KNDC1: variants seen among roughly 807,000 people sequenced by gnomAD.
KNDC1 encodes the protein kinase non-catalytic C-lobe domain containing 1, also known as kinase non-catalytic C-lobe domain-containing protein 1.
Under a neutral mutation model 172.8 loss-of-function variants are expected in KNDC1, and 106 were observed. That is an observed-to-expected ratio of 0.61 (90% CI 0.52 to 0.72). The LOEUF (loss-of-function observed/expected upper bound fraction) is 0.72, where lower values mean the gene tolerates loss of function less well. Among genes scored for constraint, KNDC1 ranks in the 30% least tolerant of loss-of-function variants. KNDC1 has a pLI of 0.00. For synonymous variants in KNDC1, 1,083 were observed against 1,062.2 expected (o/e 1.02, Z -0.38); for missense variants, 2,325 against 2,394.5 (o/e 0.97, Z 0.61).
intron 17 of KNDC1, among the ~76,000 whole-genome samples, chr10:133,206,409 C>G (rs892189459): frequency 2.0e-5 from 3 of 152,144 alleles, no homozygotes; most frequent in African/African-American, 7.2e-5. Context: ...CTGAGCATCC[C>G]CCACAAGGGC....
Position 133,224,530 on chromosome 10 carries a change from A to C in KNDC1, c.5019-129A>C. The C allele has an allele frequency of 1.5e-6, 1 of 675,298 alleles. No homozygotes were observed. 41.8% of individuals were successfully genotyped at this position (675,298 alleles called of 1,614,324 possible). On this transcript the variant is annotated intron_variant, in intron 29 of 29. Coordinates refer to ENST00000304613, the MANE Select transcript of KNDC1 (RefSeq NM_152643.8). This position sits in a 1 kb window ranked among gnomAD's most constrained non-coding sequence, Gnocchi z 5.4. ...CCTCGCCAATAAATACAGACAACCCACCCTTCAGAATTTACACGGTGAAAA... is the reference window on the plus strand; with the variant it reads ...CCTCGCCAATAAATACAGACAACCCCCCCTTCAGAATTTACACGGTGAAAA...
At chr10:133,167,298 T>C in intron 1 of KNDC1, 83 bp from the exon 2 acceptor site, 1 of 1,362,594 alleles carries the variant, frequency 7.3e-7, no homozygotes, top group Admixed American at 2.3e-5. Flanking sequence ...AGTCGTCCGT[T>C]TCCCCAGGGA....
chr10:133,205,299 G>A (rs868400755), intron 17 of KNDC1, among the ~76,000 whole-genome samples: 3 of 152,214 alleles, frequency 2.0e-5, no homozygotes, highest in Admixed American at 2.0e-4. Flanking sequence ...CCAGGGAGGC[G>A]CTCAGCCCCA....
chr10:133,160,574 GCCCCCGGC>G lies in KNDC1; in HGVS notation c.102+9_102+16del. ...CCCACCCTCCCCGAGGACGAGGTGA[GCCCCCGGC>G]CCCACTGGGGGGCCCCTTCCGCCGC... On this transcript the variant is annotated splice_donor_region_variant and intron_variant, in intron 1 of 29. Coordinates refer to ENST00000304613, the MANE Select transcript of KNDC1 (RefSeq NM_152643.8). 1.3e-6 allele frequency: 2 copies of G among 1,559,122 alleles called. No individual in the cohort carries two copies. The highest frequency in any genetic ancestry group is 1.7e-6 in the Non-Finnish European group (2 of 1,152,488).
Position 133,160,531 on chromosome 10 carries a change from T to C in KNDC1, c.64T>C (p.Tyr22His). Residue 22 changes from tyrosine to histidine, a missense_variant, in exon 1 of 30, where the codon TAC becomes CAC. Transcript: ENST00000304613. ...GGAGGACGGCAAAGACCTGGACTTCTACGACTTCGAGCCGCTGCCCACCCT... is the reference window on the plus strand; with the variant it reads ...GGAGGACGGCAAAGACCTGGACTTCCACGACTTCGAGCCGCTGCCCACCCT... Reference protein sequence around the residue: ...YEEDGKDLDFYDFEPLPTLPE... With the variant: ...YEEDGKDLDFHDFEPLPTLPE... The C allele has an allele frequency of 1.3e-6, 2 of 1,588,524 alleles. No individual in the cohort carries two copies. The highest frequency in any genetic ancestry group is 1.7e-6 in the Non-Finnish European group (2 of 1,169,402).
At chr10:133,175,709 GGGATGGATGTGT>G (rs1255238411) in intron 3 of KNDC1, among the ~76,000 whole-genome samples, 2 of 150,514 alleles carry the variant, frequency 1.3e-5, no homozygotes, top group East Asian at 4.0e-4. Context: ...CAGTCGGATA[GGGATGGATGTGT>G]GGATGGATGG....
intron 5 of KNDC1, among the ~76,000 whole-genome samples, chr10:133,185,355 AGGCAGTGTGTACAGTGTGGAG>A (rs1324389150): frequency 2.2e-4 from 23 of 103,454 alleles, no homozygotes; most frequent in Admixed American, 3.9e-4. Context: ...AGTGTGGAGT[AGGCAGTGTGTACAGTGTGGAG>A]TAGGCAGTGT....
intron 26 of KNDC1, among the ~76,000 whole-genome samples, chr10:133,218,295 C>T (rs1845508745): frequency 6.6e-6 from 1 of 152,250 alleles, no homozygotes; most frequent in Non-Finnish European, 1.5e-5. Flanking sequence ...ATTCACCACC[C>T]ATGGGGTGTT....
chr10:133,225,172 T>G lies in KNDC1; in HGVS notation c.*282T>G. The G allele has an allele frequency of 2.8e-5, 11 of 386,496 alleles. No individual in the cohort carries two copies. The highest frequency in any genetic ancestry group is 5.9e-5 in the East Asian group (1 of 16,864). 23.9% of individuals were successfully genotyped at this position (386,496 alleles called of 1,614,324 possible). ...TTTAAAAATGAAAATGAAAGACAGC[T>G]TCCCAGGAGTTTTGTGCCTGTCTGC... On this transcript the variant is annotated 3_prime_UTR_variant, in exon 30 of 30. Transcript: ENST00000304613.
chr10:133,201,456 C>T (rs557740444), intron 16 of KNDC1, 45 bp from the exon 17 acceptor site: 1 of 1,538,684 alleles, frequency 6.5e-7, no homozygotes, highest in African/African-American at 1.4e-5. Flanking sequence ...CGGGCTCCGC[C>T]CACAGGAGCC....
intron 1 of KNDC1, chr10:133,167,108 C>T: frequency 2.0e-6 from 1 of 509,808 alleles, no homozygotes; most frequent in South Asian, 2.3e-5. Context: ...GGCCGAGCCT[C>T]CGGGAGGAAG....
At chr10:133,208,584 C>CTT (rs1413582674) in intron 20 of KNDC1, among the ~76,000 whole-genome samples, 2 of 151,658 alleles carry the variant, frequency 1.3e-5, no homozygotes, top group African/African-American at 4.8e-5. Flanking sequence ...GACGTGGCCC[C>CTT]ACCTCCGACC....
At chr10:133,162,105 C>T (rs1306345055) in intron 1 of KNDC1, among the ~76,000 whole-genome samples, 2 of 152,234 alleles carry the variant, frequency 1.3e-5, no homozygotes, top group African/African-American at 2.4e-5. Context: ...ACTGTCATCC[C>T]ACCGAGTTTG....
rs1328716346 is a variant in KNDC1 at position 133,210,633 on chromosome 10, G to T, written c.3817G>T (p.Val1273Leu). Residue 1273 changes from valine (V) to leucine (L), a missense_variant, in exon 21 of 30, where the codon GTG becomes TTG. By Grantham distance (32) the Val-to-Leu change is conservative. Transcript: ENST00000304613. ...YSSDAFLEGY[V>L]QQFLYTFRYF... ...CAGTGATGCCTTCCTGGAGGGTTATGTGCAGCAATTCCTCTACACCTTCCG... is the reference window on the plus strand; with the variant it reads ...CAGTGATGCCTTCCTGGAGGGTTATTTGCAGCAATTCCTCTACACCTTCCG... The T allele has an allele frequency of 1.2e-6, 2 of 1,602,360 alleles. No homozygotes were observed. Among genetic ancestry groups the T allele is most frequent in the Non-Finnish European group, 8.5e-7 (1 of 1,170,522 alleles).
rs183905278 is a variant in KNDC1 at position 133,193,387 on chromosome 10, T to C, written c.1576-2276T>C. 2.3e-4 allele frequency among the ~76,000 whole-genome samples: 35 copies of C among 152,166 alleles called. 1 individual carries two copies. The East Asian group carries it at 3.9e-3, about 17-fold the overall frequency. ...TAAAAATACAAAAATTTGCCAGGCA[T>C]GGTGGTGGGTGCCTGTAATCCCAGC... is the stretch of plus-strand genomic sequence containing the variant. On this transcript the variant is annotated intron_variant, in intron 9 of 29. Coordinates refer to ENST00000304613, the MANE Select transcript of KNDC1 (RefSeq NM_152643.8).
At chr10:133,169,606 A>G (rs1044274411) in intron 3 of KNDC1, among the ~76,000 whole-genome samples, 5 of 152,170 alleles carry the variant, frequency 3.3e-5, no homozygotes, top group East Asian at 1.9e-4. Flanking sequence ...ATTTTAGTGC[A>G]CCCCAGCGTC....
chr10:133,180,804 A>G (rs983985777), intron 3 of KNDC1, among the ~76,000 whole-genome samples: 1 of 152,242 alleles, frequency 6.6e-6, no homozygotes, highest in African/African-American at 2.4e-5. Context: ...TTGCATGGGG[A>G]TTTAGAGGAA....
At chr10:133,173,349 G>A (rs1040323820) in intron 3 of KNDC1, among the ~76,000 whole-genome samples, 1 of 152,108 alleles carries the variant, frequency 6.6e-6, no homozygotes, top group African/African-American at 2.4e-5. Flanking sequence ...ACTCGAGCTG[G>A]ACACTTAGGT....
chr10:133,167,709 A>G (rs2135946616), intron 2 of KNDC1, 130 bp downstream of exon 2: 1 of 1,032,202 alleles, frequency 9.7e-7, no homozygotes, highest in Admixed American at 2.2e-5. Context: ...TCCTGTGGAG[A>G]CCTTCTCTTC....
Sources: allele counts gnomAD v4.1 joint callset (sites outside exome capture counted in the v4.1 genomes callset), GRCh38; gene constraint gnomAD v4.1.1; non-coding constraint Gnocchi (gnomAD v3.1); transcripts MANE v1.5; gene names NCBI Gene and HGNC (gene_info 2026-07-23, HGNC 2026-07-21).